The following ACBD6 variants were observed in gnomAD, a reference collection of about 807,000 sequenced individuals.
ACBD6 encodes the protein acyl-CoA binding domain containing 6.
A neutral mutation model predicts 37.2 loss-of-function variants in ACBD6; 28 were observed. That is an observed-to-expected ratio of 0.75 (90% CI 0.56 to 1.03). The LOEUF (loss-of-function observed/expected upper bound fraction) is 1.03, where lower values mean the gene tolerates loss of function less well. ACBD6 is among the 50% of genes least tolerant of loss of function. The pLI is 0.00. For synonymous variants in ACBD6, 113 were observed against 126.8 expected, an observed-to-expected ratio of 0.89 and a Z score of 0.73; for missense variants, 340 against 337.4, an observed-to-expected ratio of 1.01 and a Z score of -0.06.
intron 6 of ACBD6, among the ~76,000 whole-genome samples, chr1:180,370,873 A>G (rs1653237345): frequency 6.6e-6 from 1 of 151,934 alleles, no homozygotes; most frequent in Non-Finnish European, 1.5e-5. Context: ...TATTATTTTA[A>G]TGTGTATGCA....
intron 7 of ACBD6, among the ~76,000 whole-genome samples, chr1:180,308,522 C>T (rs1048483378): frequency 2.0e-5 from 3 of 152,204 alleles, no homozygotes; most frequent in Non-Finnish European, 4.4e-5. Flanking sequence ...GAACCCGAAA[C>T]TTATAGGGCT....
intron 3 of ACBD6, among the ~76,000 whole-genome samples, chr1:180,476,568 A>AT (rs1650799646): frequency 6.6e-6 from 1 of 152,180 alleles, no homozygotes; most frequent in Non-Finnish European, 1.5e-5. Flanking sequence ...GCTCACGCCT[A>AT]TAATCCCAGC....
At chr1:180,401,602 G>A (rs1374790798) in intron 5 of ACBD6, among the ~76,000 whole-genome samples, 2 of 151,984 alleles carry the variant, frequency 1.3e-5, no homozygotes, top group Non-Finnish European at 2.9e-5. Context: ...TGGCCAACAT[G>A]GTGAAATGCT....
chr1:180,316,889 A>G (rs1426469086), intron 6 of ACBD6, among the ~76,000 whole-genome samples: 1 of 152,208 alleles, frequency 6.6e-6, no homozygotes, highest in East Asian at 1.9e-4. Flanking sequence ...AGTACGCTGG[A>G]AAACAATCAA....
chr1:180,494,515 G>A (rs1651652569), intron 2 of ACBD6, among the ~76,000 whole-genome samples: 1 of 152,268 alleles, frequency 6.6e-6, no homozygotes, highest in East Asian at 1.9e-4. Context: ...TAAACAGCGT[G>A]GTTAGTGACA....
At chr1:180,444,370 T>C (rs772735290) in intron 3 of ACBD6, among the ~76,000 whole-genome samples, 1 of 152,054 alleles carries the variant, frequency 6.6e-6, no homozygotes, top group African/African-American at 2.4e-5. Flanking sequence ...ATATTCTAAA[T>C]ACATTCCCCT....
At chr1:180,403,375 C>T (rs1354887859) in intron 5 of ACBD6, among the ~76,000 whole-genome samples, 1 of 152,066 alleles carries the variant, frequency 6.6e-6, no homozygotes, top group African/African-American at 2.4e-5. Flanking sequence ...ATACTGAATT[C>T]TAGTTAGTTA....
At chr1:180,434,310 A>T (rs559027857) in intron 3 of ACBD6, among the ~76,000 whole-genome samples, 1 of 152,340 alleles carries the variant, frequency 6.6e-6, no homozygotes, top group African/African-American at 2.4e-5. Flanking sequence ...AGACCCTGGA[A>T]GAAATCAAAA....
At position 180,274,255 on chromosome 1, in the gene ACBD6, A is replaced by C. The variant is rs373879455; in HGVS notation, c.*937-143T>G. ...GCAACGTGGGGGACGTTACAGGCGG[A>C]CAGTTAATGAATGGGAGCTTCTCCA... On this transcript the variant is annotated intron_variant, in intron 10 of 13. Transcript: ENST00000642319. The C allele has an allele frequency of 3.1e-4, 497 of 1,614,232 alleles. 2 individuals are homozygous for C. In the Middle Eastern group the frequency reaches 4.6e-3, roughly 15 times the overall value.
intron 3 of ACBD6, among the ~76,000 whole-genome samples, chr1:180,442,889 G>T (rs540181772): frequency 6.6e-6 from 1 of 151,784 alleles, no homozygotes; most frequent in African/African-American, 2.4e-5. Flanking sequence ...GTATATATTT[G>T]TAAAGTAAGT....
intron 6 of ACBD6, among the ~76,000 whole-genome samples, chr1:180,394,031 T>C (rs1028707113): frequency 6.6e-6 from 1 of 152,194 alleles, no homozygotes; most frequent in Non-Finnish European, 1.5e-5. Flanking sequence ...CCTCAGGCAA[T>C]GCCTAACTTG....
At chr1:180,385,371 C>A (rs1653810328) in intron 6 of ACBD6, among the ~76,000 whole-genome samples, 1 of 148,698 alleles carries the variant, frequency 6.7e-6, no homozygotes, top group South Asian at 2.2e-4. Flanking sequence ...TTAAACACTG[C>A]AATTAAAAGA....
At chr1:180,492,502 CTG>C in intron 2 of ACBD6, 137 bp from the exon 3 acceptor site, 1 of 733,452 alleles carries the variant, frequency 1.4e-6, no homozygotes, top group Admixed American at 2.2e-5. Flanking sequence ...TAGAGAAGCT[CTG>C]TCTTTTTGCA....
rs1010320921 is a variant in ACBD6, at chr1:180,371,340, G to A, written c.663+26176C>T. Among the ~76,000 whole-genome samples, 3 of 152,136 alleles carry A rather than the reference G, an allele frequency of 2.0e-5. No individual in the cohort carries two copies. In the East Asian group the frequency reaches 5.8e-4, roughly 29 times the overall value. On this transcript the variant is annotated intron_variant, in intron 6 of 7. Transcript: ENST00000367595. ...GACAGTTGTTAGTGATTCATCACACGAATGAATCAGTTTAACCTGATTGTT... is the reference window on the plus strand; with the variant it reads ...GACAGTTGTTAGTGATTCATCACACAAATGAATCAGTTTAACCTGATTGTT...
intron 3 of ACBD6, among the ~76,000 whole-genome samples, chr1:180,455,904 A>T (rs1649896270): frequency 6.6e-6 from 1 of 152,214 alleles, no homozygotes; most frequent in South Asian, 2.1e-4. Context: ...TGAACCTTGA[A>T]ATCTTTTTTA....
intron 3 of ACBD6, among the ~76,000 whole-genome samples, chr1:180,486,303 C>CA (rs955028717): frequency 2.0e-5 from 3 of 152,100 alleles, no homozygotes; most frequent in Admixed American, 6.6e-5. Flanking sequence ...AGCAGGGACA[C>CA]AAAAAAATCA....
chr1:180,273,812 ATGT>A (rs1648837584), intron 11 of ACBD6: 1 of 275,540 alleles, frequency 3.6e-6, no homozygotes, highest in East Asian at 9.6e-5. Flanking sequence ...TTCAGGGTAA[ATGT>A]TGTCAGCATG....
At chr1:180,354,405 A>G (rs1307546722) in intron 6 of ACBD6, among the ~76,000 whole-genome samples, 1 of 152,168 alleles carries the variant, frequency 6.6e-6, no homozygotes, top group Non-Finnish European at 1.5e-5. Flanking sequence ...ACAAGCTTTC[A>G]TCCCCCTTTA....
chr1:180,276,913 TA>T (rs1306910124), intron 9 of ACBD6: 2 of 152,156 alleles, frequency 1.3e-5, no homozygotes, highest in African/African-American at 4.8e-5. Flanking sequence ...AAGTTAATCA[TA>T]CTAATTCCCA....
Sources: allele counts gnomAD v4.1 joint callset (sites outside exome capture counted in the v4.1 genomes callset), GRCh38; gene constraint gnomAD v4.1.1; transcripts MANE v1.5; gene names NCBI Gene and HGNC (gene_info 2026-07-23, HGNC 2026-07-21).